ULK4: variants seen among roughly 807,000 people sequenced by gnomAD.
ULK4 encodes the protein unc-51 like kinase 4, also known as inactive serine/threonine-protein kinase ULK4.
ULK4 carries 133 observed loss-of-function variants against 160.6 expected under a neutral mutation model. The observed-to-expected ratio is 0.83, with a 90% confidence interval of 0.72 to 0.96. The LOEUF (loss-of-function observed/expected upper bound fraction) is 0.96, where lower values mean the gene tolerates loss of function less well. Ranked by LOEUF, ULK4 falls within the 40% of genes least tolerant of loss-of-function variation. The pLI, the probability that ULK4 is intolerant of heterozygous loss-of-function variation, is 0.00. For missense variants in ULK4, 1,580 were observed against 1,499.5 expected (o/e 1.05, Z -0.89); for synonymous variants, 534 against 539.8 (o/e 0.99, Z 0.15).
chr3:41,412,385 CA>C (rs2082425125), intron 34 of ULK4, among the ~76,000 whole-genome samples: 4 of 142,366 alleles, frequency 2.8e-5, no homozygotes. Context: ...AATCTCAATA[CA>C]AAATCCCCCA....
chr3:41,411,343 C>G (rs961280682), intron 34 of ULK4, among the ~76,000 whole-genome samples: 6 of 152,114 alleles, frequency 3.9e-5, no homozygotes, highest in African/African-American at 1.2e-4. Flanking sequence ...CTCTGTGAAG[C>G]CTGCTACTTA....
chr3:41,299,155 C>A (rs180902810), intron 35 of ULK4, among the ~76,000 whole-genome samples: 1 of 152,190 alleles, frequency 6.6e-6, no homozygotes, highest in Non-Finnish European at 1.5e-5. Context: ...AGGCTTTGCA[C>A]ACTTCAGTTC....
intron 22 of ULK4, among the ~76,000 whole-genome samples, chr3:41,742,501 A>G (rs2038276161): frequency 6.6e-6 from 1 of 151,980 alleles, no homozygotes; most frequent in African/African-American, 2.4e-5. Context: ...CCACTCAGCA[A>G]CATTAAGACT....
Position 41,938,093 on chromosome 3 carries a change from C to G in ULK4, c.238+5G>C, listed in dbSNP as rs756075207. 14 of 1,597,870 alleles carry G rather than the reference C, an allele frequency of 8.8e-6. No individual in the cohort carries two copies. The African/African-American group carries it at 1.5e-4, about 17-fold the overall frequency. Reference sequence around the variant, plus strand: ...TCATAGCACTTTTTACATACTCTTTCTTACCTGTGCAGAGTTCCACCACTA... The same window carrying G: ...TCATAGCACTTTTTACATACTCTTTGTTACCTGTGCAGAGTTCCACCACTA... On this transcript the variant is annotated splice_donor_5th_base_variant and intron_variant, in intron 3 of 36. Transcript: ENST00000301831.
intron 34 of ULK4, among the ~76,000 whole-genome samples, chr3:41,452,490 A>G (rs572080965): frequency 3.2e-4 from 48 of 152,258 alleles, no homozygotes; most frequent in African/African-American, 1.1e-3. Context: ...AGCTCTTACA[A>G]GGAGTGTAAG....
intron 35 of ULK4, among the ~76,000 whole-genome samples, chr3:41,314,491 G>A (rs1385479147): frequency 6.6e-6 from 1 of 152,160 alleles, no homozygotes; most frequent in Non-Finnish European, 1.5e-5. Context: ...TTAGTATAGT[G>A]TAGGCTACTA....
At chr3:41,265,806 G>A (rs1040414831) in intron 35 of ULK4, among the ~76,000 whole-genome samples, 19 of 152,154 alleles carry the variant, frequency 1.2e-4, no homozygotes, top group Admixed American at 1.1e-3. Context: ...AGAAGGGAAG[G>A]GAATCGTGAA....
intron 31 of ULK4, among the ~76,000 whole-genome samples, chr3:41,602,139 T>A (rs1472316507): frequency 1.3e-5 from 2 of 151,442 alleles, no homozygotes; most frequent in Admixed American, 6.6e-5. Flanking sequence ...GGGATTACAG[T>A]GAGTTATGAT....
intron 34 of ULK4, among the ~76,000 whole-genome samples, chr3:41,446,299 A>G: frequency 6.6e-6 from 1 of 152,198 alleles, no homozygotes; most frequent in Non-Finnish European, 1.5e-5. Context: ...TAGTTCAACC[A>G]TTGTGGAAGT....
rs561604760 is a variant in ULK4 at position 41,957,184 on chromosome 3, T to G, written c.-48-2377A>C. On this transcript the variant is annotated intron_variant, in intron 1 of 36. Coordinates refer to ENST00000301831, the MANE Select transcript of ULK4 (RefSeq NM_017886.4). ...AATCATTCTTTCAGGCTGGGTGCAG[T>G]GGCTCACACCTGTAATCCCAGCACT... Among the ~76,000 whole-genome samples the G allele has an allele frequency of 7.2e-5, 11 of 152,312 alleles. No individual in the cohort carries two copies. The East Asian group carries it at 2.1e-3, about 29-fold the overall frequency.
intron 36 of ULK4, 92 bp from the exon 37 acceptor site, chr3:41,247,084 A>T: frequency 8.0e-7 from 1 of 1,244,544 alleles, no homozygotes; most frequent in East Asian, 2.5e-5. Context: ...TTTGCACCCG[A>T]GTATCTGGTG....
intron 34 of ULK4, among the ~76,000 whole-genome samples, chr3:41,450,637 A>G (rs1201691013): frequency 6.6e-6 from 1 of 152,186 alleles, no homozygotes; most frequent in Non-Finnish European, 1.5e-5. Flanking sequence ...AAGTGTGTTT[A>G]TTTTTCCCTA....
chr3:41,930,419 A>G (rs1283818414), intron 5 of ULK4, among the ~76,000 whole-genome samples: 1 of 152,244 alleles, frequency 6.6e-6, no homozygotes, highest in Non-Finnish European at 1.5e-5. Context: ...CATTCAGGAT[A>G]TAGGCATGGG....
chr3:41,911,204 C>T, intron 11 of ULK4, 113 bp downstream of exon 11: 1 of 1,021,362 alleles, frequency 9.8e-7, no homozygotes, highest in Non-Finnish European at 1.4e-6. Flanking sequence ...GCATTTGGCA[C>T]TAAAATTCCT....
intron 17 of ULK4, among the ~76,000 whole-genome samples, chr3:41,878,198 C>T (rs1697381134): frequency 6.6e-6 from 1 of 151,854 alleles, no homozygotes; most frequent in African/African-American, 2.4e-5. Flanking sequence ...GTTGACTATT[C>T]CCGAAACAAG....
At chr3:41,717,999 G>A (rs193125450) in intron 22 of ULK4, 138 bp from the exon 23 acceptor site, 1 of 1,028,426 alleles carries the variant, frequency 9.7e-7, no homozygotes, top group Non-Finnish European at 1.3e-6. Context: ...GCAACTTGTC[G>A]GGCACAATTT....
intron 1 of ULK4, among the ~76,000 whole-genome samples, chr3:41,959,975 C>T (rs1700615739): frequency 6.6e-6 from 1 of 151,958 alleles, no homozygotes; most frequent in South Asian, 2.1e-4. Context: ...AGTTTTCATA[C>T]AGTATGTATA....
chr3:41,732,136 A>G (rs1320667558), intron 22 of ULK4, among the ~76,000 whole-genome samples: 1 of 152,184 alleles, frequency 6.6e-6, no homozygotes, highest in Non-Finnish European at 1.5e-5. Context: ...ATGAGATTGC[A>G]TCAAACTAAA....
intron 36 of ULK4, 60 bp downstream of exon 36, chr3:41,249,429 A>G: frequency 6.7e-7 from 1 of 1,490,786 alleles, no homozygotes; most frequent in South Asian, 1.2e-5. Context: ...TGGAGAAAGG[A>G]ATGGCTGAGA....
Sources: gnomAD v4.1 joint callset for allele counts (sites outside exome capture counted in the v4.1 genomes callset) on GRCh38, gnomAD v4.1.1 for gene constraint, MANE v1.5 for transcripts, NCBI Gene and HGNC (gene_info 2026-07-23, HGNC 2026-07-21) for gene names.